Variants in DNAH14 observed in about 807,000 individuals in gnomAD.
The protein encoded by DNAH14 is axonemal beta dynein heavy chain 14.
A neutral mutation model predicts 520.9 loss-of-function variants in DNAH14; 478 were observed. The observed-to-expected ratio is 0.92, with a 90% CI of 0.85 to 0.99. The LOEUF (loss-of-function observed/expected upper bound fraction) is 0.99. Ranked by LOEUF, DNAH14 falls within the 50% of genes least tolerant of loss-of-function variation. The pLI is 0.00. For missense variants in DNAH14, 4,831 were observed against 5,234.5 expected (o/e 0.92, Z 2.38); for synonymous variants, 1,581 against 1,757.2 (o/e 0.90, Z 2.51).
rs528365943 is a variant in DNAH14 at position 225,386,938 on chromosome 1, G to A, written c.13078-1441G>A. Among the ~76,000 whole-genome samples, 13 of 152,280 alleles carry A rather than the reference G, an allele frequency of 8.5e-5. No individual in the cohort carries two copies. The East Asian group carries it at 1.5e-3, about 18-fold the overall frequency. On this transcript the variant is annotated intron_variant, in intron 81 of 85. Coordinates refer to ENST00000682510, the MANE Select transcript of DNAH14 (RefSeq NM_001367479.1). ...CTATAATATAAAGACACATGCACAC[G>A]TATGTTTATTGCGGCACTATTCACA...
At chr1:224,965,534 G>A (rs1261173105) in intron 5 of DNAH14, among the ~76,000 whole-genome samples, 1 of 151,964 alleles carries the variant, frequency 6.6e-6, no homozygotes, top group Non-Finnish European at 1.5e-5. Flanking sequence ...ATAAATGGAT[G>A]TGACCGTGTT....
chr1:225,079,831 G>T (rs553089147), intron 18 of DNAH14, among the ~76,000 whole-genome samples: 2 of 151,654 alleles, frequency 1.3e-5, no homozygotes, highest in African/African-American at 4.8e-5. Flanking sequence ...CTGCCACCAC[G>T]CCCGGCTAAT....
At chr1:224,951,114 C>T (rs1193151069) in intron 1 of DNAH14, among the ~76,000 whole-genome samples, 4 of 152,128 alleles carry the variant, frequency 2.6e-5, no homozygotes, top group African/African-American at 9.7e-5. Flanking sequence ...CAACCTCTGC[C>T]TCCTGGGTTC....
chr1:225,051,788 T>C lies in DNAH14; in HGVS notation c.2417T>C (p.Leu806Ser). ...GTAATTGAAAAAAAGAACAAAAATTTATTGGAAGTAAGTATTTTGAAAATT... is the reference window on the plus strand; with the variant it reads ...GTAATTGAAAAAAAGAACAAAAATTCATTGGAAGTAAGTATTTTGAAAATT... ...QSVIEKKNKN[L>S]LEVVESSLQQ... is the part of the protein sequence containing the mutation. Residue 806 changes from leucine (L) to serine (S), a missense_variant, in exon 17 of 86, where the codon TTA becomes TCA. Physicochemically the swap from Leu to Ser is moderately radical, Grantham distance 145. Coordinates refer to ENST00000682510, the MANE Select transcript of DNAH14 (RefSeq NM_001367479.1). The C allele has an allele frequency of 2.0e-6, 3 of 1,488,640 alleles. No individual in the cohort carries two copies. Among genetic ancestry groups the C allele is most frequent in the Non-Finnish European group, 2.7e-6 (3 of 1,120,530 alleles). 92.2% of individuals were successfully genotyped at this position (1,488,640 alleles called of 1,614,324 possible). A position where few individuals can be genotyped will look rare whatever the true frequency, so the allele number is the denominator to read the frequency against.
At chr1:225,135,227 T>A (rs1217298867) in intron 27 of DNAH14, among the ~76,000 whole-genome samples, 1 of 152,148 alleles carries the variant, frequency 6.6e-6, no homozygotes, top group African/African-American at 2.4e-5. Flanking sequence ...GGTTCTCTAG[T>A]CCTTTTAGTT....
intron 11 of DNAH14, among the ~76,000 whole-genome samples, chr1:225,026,215 C>T (rs2066107856): frequency 6.7e-6 from 1 of 150,022 alleles, no homozygotes; most frequent in South Asian, 2.2e-4. Context: ...TTAATAGTAT[C>T]CTTTGGAGTA....
intron 41 of DNAH14, among the ~76,000 whole-genome samples, chr1:225,210,274 CT>C (rs2149445895): frequency 6.6e-6 from 1 of 152,272 alleles, no homozygotes; most frequent in South Asian, 2.1e-4. Context: ...GAAATTCTTG[CT>C]GCCAGCACAG....
intron 83 of DNAH14, 57 bp from the exon 84 acceptor site, chr1:225,392,234 C>G: frequency 6.5e-7 from 1 of 1,535,434 alleles, no homozygotes; most frequent in Non-Finnish European, 8.8e-7. Flanking sequence ...GTTGCTAACC[C>G]CAGCAGGAGG....
At chr1:225,327,792 C>G (rs2094709014) in intron 64 of DNAH14, among the ~76,000 whole-genome samples, 4 of 151,444 alleles carry the variant, frequency 2.6e-5, no homozygotes, top group African/African-American at 9.7e-5. Context: ...AAGTTGGTTA[C>G]TTGAAGAGAT....
intron 71 of DNAH14, among the ~76,000 whole-genome samples, chr1:225,350,046 C>T (rs1288109269): frequency 2.0e-5 from 3 of 152,090 alleles, no homozygotes; most frequent in Non-Finnish European, 4.4e-5. Context: ...ACATGTTAGA[C>T]CATAAAACAA....
intron 53 of DNAH14, among the ~76,000 whole-genome samples, chr1:225,276,995 A>G (rs71646712): frequency 0.05 from 2,968 of 59,182 alleles, 141 homozygotes; most frequent in African/African-American, 0.15. Flanking sequence ...GGGAGGGAGG[A>G]AGGAAGGGAG....
In DNAH14 at chr1:225,257,739, G is replaced by A. The variant is rs535482122; in HGVS notation, c.6866-221G>A. Among the ~76,000 whole-genome samples, 59 of 151,944 alleles carry A rather than the reference G, an allele frequency of 3.9e-4. 1 individual carries two copies. The highest frequency in any genetic ancestry group is 6.2e-4 in the South Asian group (3 of 4,806). ...TTTAGTAGAGATGGGGTTTCACCGCGTTAGCCAGGATGGTCTCGATCTCCT... is the reference window on the plus strand; with the variant it reads ...TTTAGTAGAGATGGGGTTTCACCGCATTAGCCAGGATGGTCTCGATCTCCT... On this transcript the variant is annotated intron_variant, in intron 44 of 85. Transcript: ENST00000682510.
chr1:225,053,859 T>C (rs1456565656), intron 17 of DNAH14, among the ~76,000 whole-genome samples: 1 of 152,170 alleles, frequency 6.6e-6, no homozygotes, highest in Admixed American at 6.5e-5. Flanking sequence ...ACTGGAAATA[T>C]ATATATTTAA....
intron 71 of DNAH14, among the ~76,000 whole-genome samples, chr1:225,347,693 C>A (rs997905646): frequency 1.3e-5 from 2 of 152,172 alleles, no homozygotes; most frequent in African/African-American, 2.4e-5. Context: ...GGTCTTAGAA[C>A]CTCCAACTAG....
At chr1:225,104,859 G>T (rs548656406) in intron 23 of DNAH14, among the ~76,000 whole-genome samples, 1 of 152,024 alleles carries the variant, frequency 6.6e-6, no homozygotes, top group South Asian at 2.1e-4. Context: ...TTGATTTTTT[G>T]AAGGGTTTTT....
chr1:225,031,762 T>A (rs570133593), intron 11 of DNAH14, among the ~76,000 whole-genome samples: 3 of 152,118 alleles, frequency 2.0e-5, no homozygotes, highest in Non-Finnish European at 2.9e-5. Context: ...ACATTTTTAG[T>A]TGTTCATGTA....
At chr1:225,141,257 A>G (rs896538935) in intron 28 of DNAH14, among the ~76,000 whole-genome samples, 1 of 152,138 alleles carries the variant, frequency 6.6e-6, no homozygotes, top group Non-Finnish European at 1.5e-5. Context: ...GTATATTACA[A>G]TAAGATATTT....
chr1:225,264,336 A>C, intron 47 of DNAH14, 75 bp downstream of exon 47: 1 of 1,143,986 alleles, frequency 8.7e-7, no homozygotes, highest in Admixed American at 2.6e-5. Flanking sequence ...TATTTCTTAC[A>C]TTCATGGATC....
At chr1:225,334,163 G>A (rs1379784578) in intron 66 of DNAH14, among the ~76,000 whole-genome samples, 3 of 152,092 alleles carry the variant, frequency 2.0e-5, no homozygotes. Flanking sequence ...TTGTAGCCAG[G>A]GGCAGTGGCT....
Sources: gnomAD v4.1 joint callset for allele counts (sites outside exome capture counted in the v4.1 genomes callset) on GRCh38, gnomAD v4.1.1 for gene constraint, MANE v1.5 for transcripts, NCBI Gene and HGNC (gene_info 2026-07-23, HGNC 2026-07-21) for gene names.